The following ATP2C2 variants were observed in gnomAD, a reference collection of about 807,000 sequenced individuals.
The protein encoded by ATP2C2 is ATPase secretory pathway Ca2+ transporting 2, also known as calcium-transporting ATPase type 2C member 2.
A neutral mutation model predicts 110.8 loss-of-function variants in ATP2C2; 171 were observed. That is an observed-to-expected ratio of 1.54 (90% CI 1.36 to 1.75). The LOEUF (loss-of-function observed/expected upper bound fraction) is 1.75. Among genes scored for constraint, ATP2C2 ranks in the 40% most tolerant of loss-of-function variants. The pLI is 0.00. For missense variants in ATP2C2, 1,963 were observed against 1,235.0 expected, an observed-to-expected ratio of 1.59 and a Z score of -8.84; for synonymous variants, 804 against 508.4, an observed-to-expected ratio of 1.58 and a Z score of -7.82.
chr16:84,376,931 G>A (rs1487646830), intron 1 of ATP2C2, among the ~76,000 whole-genome samples: 1 of 152,200 alleles, frequency 6.6e-6, no homozygotes, highest in Admixed American at 6.5e-5. Context: ...ACATCCAATC[G>A]ATACCTCCCC....
chr16:84,416,264 A>G (rs1168415928), intron 7 of ATP2C2, among the ~76,000 whole-genome samples: 1 of 152,130 alleles, frequency 6.6e-6, no homozygotes, highest in Non-Finnish European at 1.5e-5. Flanking sequence ...TGCCTGAGGC[A>G]CTCTGCTGAG....
intron 3 of ATP2C2, among the ~76,000 whole-genome samples, chr16:84,407,857 C>T (rs951725376): frequency 2.0e-5 from 3 of 152,148 alleles, no homozygotes; most frequent in African/African-American, 7.2e-5. Flanking sequence ...TCTTTTCAAT[C>T]CTCTGTAACA....
chr16:84,403,352 C>G (rs1905467211), intron 2 of ATP2C2, among the ~76,000 whole-genome samples: 1 of 152,176 alleles, frequency 6.6e-6, no homozygotes, highest in Non-Finnish European at 1.5e-5. Context: ...GTTGCCCAGG[C>G]TCGAGTCCAG....
At chr16:84,370,714 G>C (rs970499896) in intron 1 of ATP2C2, among the ~76,000 whole-genome samples, 2 of 147,886 alleles carry the variant, frequency 1.4e-5, no homozygotes, top group Non-Finnish European at 3.0e-5. Flanking sequence ...AGTTTATTTA[G>C]GGGTTCCATT....
intron 11 of ATP2C2, among the ~76,000 whole-genome samples, chr16:84,435,300 GC>G (rs1415875941): frequency 1.3e-5 from 2 of 152,172 alleles, no homozygotes; most frequent in African/African-American, 4.8e-5. Context: ...TCTGAGCTCT[GC>G]CCAAAATAAT....
At chr16:84,458,418 C>A (rs796131997) in intron 21 of ATP2C2, among the ~76,000 whole-genome samples, 2 of 138,968 alleles carry the variant, frequency 1.4e-5, no homozygotes, top group African/African-American at 2.7e-5. Flanking sequence ...GTGGGTGCAG[C>A]GCACCAGCAT....
chr16:84,407,051 T>A (rs186591055), intron 3 of ATP2C2: 88 of 152,428 alleles, frequency 5.8e-4, no homozygotes, highest in African/African-American at 2.0e-3. Context: ...CTTGTAGGAC[T>A]GGACGGGAGC....
intron 23 of ATP2C2, chr16:84,459,640 C>G (rs1911073747): frequency 5.5e-6 from 8 of 1,465,674 alleles, no homozygotes; most frequent in South Asian, 1.2e-5. Flanking sequence ...TCTCTCTGGG[C>G]AACCTGCATG....
intron 1 of ATP2C2, among the ~76,000 whole-genome samples, chr16:84,373,453 T>C (rs1292644658): frequency 6.6e-6 from 1 of 152,038 alleles, no homozygotes; most frequent in African/African-American, 2.4e-5. Flanking sequence ...TGAGCCAAGA[T>C]TGCGCCACTA....
chr16:84,386,854 G>A (rs1273128758), intron 1 of ATP2C2, among the ~76,000 whole-genome samples: 1 of 152,170 alleles, frequency 6.6e-6, no homozygotes, highest in Non-Finnish European at 1.5e-5. Flanking sequence ...ACCAGGCCGA[G>A]TCTGGGCCTG....
chr16:84,453,060 CA>C, intron 18 of ATP2C2, 77 bp from the exon 19 acceptor site: 8 of 1,426,410 alleles, frequency 5.6e-6, no homozygotes, highest in Non-Finnish European at 7.7e-6. Context: ...TGGTGTTCCC[CA>C]TGGCCGAGGT....
intron 7 of ATP2C2, among the ~76,000 whole-genome samples, chr16:84,419,425 C>G (rs1416242647): frequency 2.0e-5 from 3 of 152,068 alleles, no homozygotes; most frequent in Non-Finnish European, 4.4e-5. Flanking sequence ...TTATGAGGAC[C>G]CTCGTGATCT....
Position 84,463,898 on chromosome 16 carries a change from C to A in ATP2C2, c.*166C>A, listed in dbSNP as rs1911658454. The A allele has an allele frequency of 9.4e-6, 6 of 636,712 alleles. No homozygotes were observed. Among genetic ancestry groups the A allele is most frequent in the African/African-American group, 1.8e-5 (1 of 54,896 alleles). The allele number at this position is 636,712 out of a possible 1,614,324, so 39.4% of individuals were successfully genotyped here. On this transcript the variant is annotated 3_prime_UTR_variant, in exon 27 of 27. Transcript: ENST00000262429. Reference sequence around the variant, plus strand: ...GCAGGAACCTCGTGGGCTCCAGGGACCCAGGCCCACATCCATCCAGCGTTC... The same window carrying A: ...GCAGGAACCTCGTGGGCTCCAGGGAACCAGGCCCACATCCATCCAGCGTTC...
chr16:84,415,706 C>G, intron 7 of ATP2C2, 115 bp downstream of exon 7: 5 of 755,182 alleles, frequency 6.6e-6, no homozygotes, highest in Non-Finnish European at 1.1e-5. Flanking sequence ...CTCAAACATA[C>G]ATGCACATGC....
intron 13 of ATP2C2, among the ~76,000 whole-genome samples, chr16:84,440,452 T>C (rs1909140825): frequency 6.6e-6 from 1 of 152,264 alleles, no homozygotes; most frequent in African/African-American, 2.4e-5. Context: ...TTTGTGTACA[T>C]ATTGCCAATG....
At chr16:84,451,371 C>T (rs1238801816) in intron 17 of ATP2C2, among the ~76,000 whole-genome samples, 1 of 152,182 alleles carries the variant, frequency 6.6e-6, no homozygotes, top group African/African-American at 2.4e-5. Context: ...CCATATCAAG[C>T]AGACAGCAGT....
At chr16:84,421,004 C>G (rs188716661) in intron 7 of ATP2C2, among the ~76,000 whole-genome samples, 4 of 152,218 alleles carry the variant, frequency 2.6e-5, no homozygotes, top group Non-Finnish European at 5.9e-5. Flanking sequence ...CAGGGTTTCA[C>G]TGTGTTGGCC....
chr16:84,431,080 T>C (rs1908237216), intron 11 of ATP2C2, among the ~76,000 whole-genome samples: 1 of 152,184 alleles, frequency 6.6e-6, no homozygotes, highest in African/African-American at 2.4e-5. Context: ...GGTAGATCTC[T>C]GCCCTCCTGG....
At position 84,378,544 on chromosome 16, in the gene ATP2C2, A is replaced by C. The variant is rs540828064; in HGVS notation, c.99+9830A>C. Among the ~76,000 whole-genome samples, 6 of 152,302 alleles carry C rather than the reference A, an allele frequency of 3.9e-5. No homozygotes were observed. The East Asian group carries it at 1.2e-3, about 29-fold the overall frequency. Reference sequence around the variant, plus strand: ...CACTACGCCTCCCTCAGTGAATGTTAGTAATCAAAAAAGAGTAAGTGAGGG... The same window carrying C: ...CACTACGCCTCCCTCAGTGAATGTTCGTAATCAAAAAAGAGTAAGTGAGGG... On this transcript the variant is annotated intron_variant, in intron 1 of 26. Coordinates refer to ENST00000262429, the MANE Select transcript of ATP2C2 (RefSeq NM_014861.4).
Sources: gnomAD v4.1 joint callset for allele counts (sites outside exome capture counted in the v4.1 genomes callset) on GRCh38, gnomAD v4.1.1 for gene constraint, MANE v1.5 for transcripts, NCBI Gene and HGNC (gene_info 2026-07-23, HGNC 2026-07-21) for gene names.